Variants in KCNIP4 observed in about 807,000 individuals in gnomAD.
KCNIP4 encodes Kv channel-interacting protein 4.
Under a neutral mutation model 34.0 loss-of-function variants are expected in KCNIP4, and 12 were observed. The observed-to-expected ratio is 0.35, with a 90% CI of 0.23 to 0.57. The LOEUF is 0.57. Ranked by LOEUF, KCNIP4 falls within the 20% of genes least tolerant of loss-of-function variation. The probability of loss-of-function intolerance (pLI) is 0.83; values close to 1 mark genes in which losing one functional copy is unlikely to be tolerated. For synonymous variants in KCNIP4, 124 were observed against 102.2 expected, an observed-to-expected ratio of 1.21 and a Z score of -1.29; for missense variants, 238 against 311.7, an observed-to-expected ratio of 0.76 and a Z score of 1.78.
At chr4:21,550,792 G>A (rs1461004530) in intron 1 of KCNIP4, among the ~76,000 whole-genome samples, 1 of 152,034 alleles carries the variant, frequency 6.6e-6, no homozygotes, top group African/African-American at 2.4e-5. Flanking sequence ...AATTTTGTGT[G>A]AGCATAACAT....
intron 1 of KCNIP4, among the ~76,000 whole-genome samples, chr4:21,772,071 G>A (rs1364822119): frequency 6.6e-6 from 1 of 152,174 alleles, no homozygotes; most frequent in Non-Finnish European, 1.5e-5. Context: ...GTCATAAATA[G>A]CTCTTATTAT....
intron 1 of KCNIP4, among the ~76,000 whole-genome samples, chr4:21,668,062 T>C (rs1054274081): frequency 6.6e-6 from 1 of 152,184 alleles, no homozygotes; most frequent in Non-Finnish European, 1.5e-5. Flanking sequence ...TAAAAAGGAA[T>C]GAGATCATGT....
At chr4:20,836,108 C>T (rs1033493769) in intron 3 of KCNIP4, among the ~76,000 whole-genome samples, 1 of 152,120 alleles carries the variant, frequency 6.6e-6, no homozygotes, top group Non-Finnish European at 1.5e-5. Flanking sequence ...GTGTCATTCT[C>T]CTACTTAATC....
intron 1 of KCNIP4, among the ~76,000 whole-genome samples, chr4:21,361,674 G>GT (rs34497644): frequency 0.042 from 6,037 of 143,402 alleles, 253 homozygotes; most frequent in East Asian, 0.2. Flanking sequence ...CTCTCAGATT[G>GT]TTTTTTTTTT....
intron 1 of KCNIP4, among the ~76,000 whole-genome samples, chr4:20,955,199 C>A (rs1217586698): frequency 6.6e-6 from 1 of 152,208 alleles, no homozygotes; most frequent in African/African-American, 2.4e-5. Context: ...GCCCTTCTGA[C>A]TAGCTTCTAT....
intron 1 of KCNIP4, among the ~76,000 whole-genome samples, chr4:21,836,812 T>C (rs1723350326): frequency 6.6e-6 from 1 of 152,196 alleles, no homozygotes; most frequent in East Asian, 1.9e-4. Flanking sequence ...CTGAGATATA[T>C]TAATGGGCTT....
At chr4:20,777,057 G>A (rs947989350) in intron 3 of KCNIP4, among the ~76,000 whole-genome samples, 2 of 152,126 alleles carry the variant, frequency 1.3e-5, no homozygotes, top group Non-Finnish European at 2.9e-5. Flanking sequence ...TTTGGGAGGT[G>A]TGTTAGTTCA....
At position 20,728,996 on chromosome 4, in the gene KCNIP4, T is replaced by TAAATCTTGGTAGTAG. The variant is rs1386464315; in HGVS notation, c.*1071_*1085dup. ...TAGTTGTTGAGCACTTATTTTCTACTAAATCTTGGTAGTAGTTGTCAATGT... is the reference window on the plus strand; with the variant it reads ...TAGTTGTTGAGCACTTATTTTCTACTAAATCTTGGTAGTAGAAATCTTGGTAGTAGTTGTCAATGT... On this transcript the variant is annotated 3_prime_UTR_variant, in exon 9 of 9. Transcript: ENST00000382152. 1 of 152,260 alleles carries TAAATCTTGGTAGTAG rather than the reference T, an allele frequency of 6.6e-6. No homozygotes were observed. Among genetic ancestry groups the TAAATCTTGGTAGTAG allele is most frequent in the African/African-American group, 2.4e-5 (1 of 41,444 alleles). The allele number at this position is 152,260 out of a possible 1,614,324, so 9.4% of individuals were successfully genotyped here. A position where few individuals can be genotyped will look rare whatever the true frequency, so the allele number is the denominator to read the frequency against.
chr4:21,107,090 G>A (rs538333206), intron 1 of KCNIP4, among the ~76,000 whole-genome samples: 2 of 147,014 alleles, frequency 1.4e-5, no homozygotes, highest in Non-Finnish European at 3.0e-5. Flanking sequence ...TTGGGGTGGA[G>A]AGTTCTGTAG....
chr4:21,369,169 T>G (rs2109430875), intron 1 of KCNIP4, among the ~76,000 whole-genome samples: 1 of 147,320 alleles, frequency 6.8e-6, no homozygotes, highest in East Asian at 2.0e-4. Flanking sequence ...ATATACTTAA[T>G]GGTAGTGTTA....
chr4:21,234,251 T>C lies in KCNIP4; in HGVS notation c.62-351542A>G, dbSNP rs552028941. Reference sequence around the variant, plus strand: ...ATATATAACATATATATAACATATATTATATATAACATATATAACATATAT... The same window carrying C: ...ATATATAACATATATATAACATATACTATATATAACATATATAACATATAT... On this transcript the variant is annotated intron_variant, in intron 1 of 8. Transcript: ENST00000382152. Among the ~76,000 whole-genome samples the C allele has an allele frequency of 2.5e-5, 3 of 118,972 alleles. 1 individual carries two copies. In the East Asian group the frequency reaches 7.1e-4, roughly 28 times the overall value. The allele number at this position is 118,972 out of a possible 152,430, so 78.1% of individuals were successfully genotyped here. A position where few individuals can be genotyped will look rare whatever the true frequency, so the allele number is the denominator to read the frequency against.
At chr4:20,905,627 T>C (rs902641652) in intron 1 of KCNIP4, among the ~76,000 whole-genome samples, 3 of 150,426 alleles carry the variant, frequency 2.0e-5, no homozygotes, top group East Asian at 2.0e-4. Context: ...TTCTCCTGCC[T>C]CAGCTTCCCG....
At chr4:21,241,041 G>C (rs1759773874) in intron 1 of KCNIP4, among the ~76,000 whole-genome samples, 1 of 152,084 alleles carries the variant, frequency 6.6e-6, no homozygotes, top group African/African-American at 2.4e-5. Flanking sequence ...TCCTTATTTT[G>C]AGTGCTTATA....
chr4:21,889,388 A>G (rs1336163466), intron 1 of KCNIP4, among the ~76,000 whole-genome samples: 3 of 151,924 alleles, frequency 2.0e-5, no homozygotes, highest in African/African-American at 7.2e-5. Context: ...AAAAAAAAAC[A>G]TCTAAATTCT....
intron 1 of KCNIP4, among the ~76,000 whole-genome samples, chr4:21,438,524 T>C (rs1219271209): frequency 1.3e-5 from 2 of 152,192 alleles, no homozygotes. Context: ...GAGCCAGCTG[T>C]TATGAATGTG....
intron 1 of KCNIP4, among the ~76,000 whole-genome samples, chr4:21,664,304 C>T (rs1322813041): frequency 6.6e-6 from 1 of 152,072 alleles, no homozygotes; most frequent in Non-Finnish European, 1.5e-5. Context: ...GTTCTGTGAA[C>T]TAGTCACATT....
At chr4:20,803,727 G>GGA (rs779473449) in intron 3 of KCNIP4, among the ~76,000 whole-genome samples, 5,198 of 90,616 alleles carry the variant, frequency 0.057, 170 homozygotes, top group South Asian at 0.092. Flanking sequence ...GAGAGAGAGA[G>GGA]AGGAAGGAAG....
chr4:21,388,084 G>C (rs1213149681), intron 1 of KCNIP4, among the ~76,000 whole-genome samples: 1 of 152,072 alleles, frequency 6.6e-6, no homozygotes, highest in Non-Finnish European at 1.5e-5. Context: ...CTGAGAATAG[G>C]CTCCTGAGAA....
intron 1 of KCNIP4, among the ~76,000 whole-genome samples, chr4:21,093,975 A>G (rs922076146): frequency 4.6e-5 from 7 of 152,080 alleles, no homozygotes; most frequent in South Asian, 4.2e-4. Flanking sequence ...CCAGCTACTC[A>G]GGAGGCTGAG....
Sources: allele counts gnomAD v4.1 joint callset (sites outside exome capture counted in the v4.1 genomes callset), GRCh38; gene constraint gnomAD v4.1.1; transcripts MANE v1.5; gene names NCBI Gene and HGNC (gene_info 2026-07-23, HGNC 2026-07-21).